EPM2A: variants seen among roughly 807,000 people sequenced by gnomAD.
EPM2A encodes EPM2A glucan phosphatase, laforin.
Under a neutral mutation model 26.5 loss-of-function variants are expected in EPM2A, and 21 were observed. The ratio of observed to expected loss-of-function variants is 0.79; its 90% CI spans 0.56 to 1.14. EPM2A has a LOEUF of 1.14. EPM2A is among the 50% of genes most tolerant of loss of function. The pLI, the probability that EPM2A is intolerant of heterozygous loss-of-function variation, is 0.00. For missense variants in EPM2A, 458 were observed against 440.8 expected, an observed-to-expected ratio of 1.04 and a Z score of -0.35; for synonymous variants, 217 against 177.6, an observed-to-expected ratio of 1.22 and a Z score of -1.76.
intron 4 of EPM2A, among the ~76,000 whole-genome samples, chr6:145,384,732 T>G (rs1778235354): frequency 6.8e-6 from 1 of 147,568 alleles, no homozygotes; most frequent in African/African-American, 2.5e-5. Flanking sequence ...AATATGCATC[T>G]GGATCCTGAA....
rs1014196351 is a variant in EPM2A, at chr6:145,458,104, G to A, written c.555+44418C>T. On this transcript the variant is annotated intron_variant, in intron 4 of 4. Coordinates refer to the EPM2A transcript ENST00000638717. ...CTATGTGGAAAGTCCAGACCTTTTAGGAGTTCTCATTCTTAGAGTATTTCA... is the reference window on the plus strand; with the variant it reads ...CTATGTGGAAAGTCCAGACCTTTTAAGAGTTCTCATTCTTAGAGTATTTCA... Among the ~76,000 whole-genome samples, 18 of 152,154 alleles carry A rather than the reference G, an allele frequency of 1.2e-4. 1 individual carries two copies. Among genetic ancestry groups the A allele is most frequent in the African/African-American group, 3.6e-4 (15 of 41,436 alleles).
chr6:145,705,942 A>G (rs1346873369), intron 1 of EPM2A: 2 of 456,780 alleles, frequency 4.4e-6, no homozygotes, highest in East Asian at 1.4e-4. Flanking sequence ...GAAGAAAGAG[A>G]TCAGATCTCT....
chr6:145,603,781 T>C (rs1414926093), intron 2 of EPM2A, among the ~76,000 whole-genome samples: 1 of 151,980 alleles, frequency 6.6e-6, no homozygotes, highest in Non-Finnish European at 1.5e-5. Flanking sequence ...ACTCAACACA[T>C]GTTTATTGAA....
intron 2 of EPM2A, among the ~76,000 whole-genome samples, chr6:145,518,227 G>T (rs977029896): frequency 2.6e-5 from 4 of 152,124 alleles, no homozygotes; most frequent in Non-Finnish European, 5.9e-5. Context: ...AGAAGTTTTT[G>T]GTTAGGATAA....
rs148638868 is a variant in EPM2A, at chr6:145,572,779, C to T, written c.340+62466G>A. 1.5e-3 allele frequency among the ~76,000 whole-genome samples: 221 copies of T among 152,336 alleles called. 1 individual carries two copies. The highest frequency in any genetic ancestry group is 6.8e-3 in the Middle Eastern group (2 of 294). On this transcript the variant is annotated intron_variant, in intron 2 of 3. Coordinates refer to the EPM2A transcript ENST00000450221. ...TCATATGACCCAAGTGGCAGAGCAG[C>T]TTGCACAGCAGCCTGGACCTGCTGC...
intron 2 of EPM2A, among the ~76,000 whole-genome samples, chr6:145,612,986 C>A (rs1775424957): frequency 6.6e-6 from 1 of 151,888 alleles, no homozygotes; most frequent in African/African-American, 2.4e-5. Context: ...TTTGCCATAT[C>A]CATTGACTCT....
At chr6:145,468,492 A>G (rs1779429343) in intron 4 of EPM2A, among the ~76,000 whole-genome samples, 1 of 152,164 alleles carries the variant, frequency 6.6e-6, no homozygotes, top group Admixed American at 6.6e-5. Flanking sequence ...AAATGGATAT[A>G]TAACAAATAT....
At chr6:145,575,629 G>A (rs908923724) in intron 2 of EPM2A, among the ~76,000 whole-genome samples, 4 of 152,228 alleles carry the variant, frequency 2.6e-5, no homozygotes, top group South Asian at 4.1e-4. Flanking sequence ...TTCTCCACAA[G>A]TTGTCAAAGG....
chr6:145,683,271 GT>G (rs1562485289), intron 2 of EPM2A, among the ~76,000 whole-genome samples: 2 of 68,136 alleles, frequency 2.9e-5, no homozygotes, highest in East Asian at 3.6e-4. Context: ...AGGATTTGGT[GT>G]GTGTGTGTGT....
At position 145,735,218 on chromosome 6, in the gene EPM2A, C is replaced by T. The variant is rs2128649334; in HGVS notation, c.281G>A (p.Gly94Glu). The T allele has an allele frequency of 6.5e-7, 1 of 1,532,316 alleles. No homozygotes were observed. Among genetic ancestry groups the T allele is most frequent in the Middle Eastern group, 1.8e-4 (1 of 5,698 alleles). 94.9% of individuals were successfully genotyped at this position (1,532,316 alleles called of 1,614,324 possible). A position where few individuals can be genotyped will look rare whatever the true frequency, so the allele number is the denominator to read the frequency against. The change falls in exon 1 of 4, where the codon GGA becomes GAA. Residue 94 changes from glycine to glutamate, a missense_variant. Transcript: ENST00000367519. ...FWYKFLKREP[G>E]GELSWEGNGP... is the part of the protein sequence containing the mutation. ...AATACCTTCCCAGGAGAGCTCTCCT[C>T]CCGGCTCCCGCTTCAGGAACTTGTA...
At chr6:145,659,437 G>C (rs1409254819) in intron 2 of EPM2A, among the ~76,000 whole-genome samples, 1 of 152,052 alleles carries the variant, frequency 6.6e-6, no homozygotes, top group African/African-American at 2.4e-5. Context: ...ATTAGGATAA[G>C]AAAATCAGAA....
chr6:145,732,220 TGTGTGTGTGTGTGTGTGC>T (rs1170682838), intron 1 of EPM2A, among the ~76,000 whole-genome samples: 3 of 109,000 alleles, frequency 2.8e-5, no homozygotes, highest in African/African-American at 9.8e-5. Flanking sequence ...TGTGTGTGTG[TGTGTGTGTGTGTGTGTGC>T]GCGCCAAAGT....
chr6:145,615,882 A>C (rs1408534850), intron 2 of EPM2A, among the ~76,000 whole-genome samples: 1 of 152,214 alleles, frequency 6.6e-6, no homozygotes, highest in South Asian at 2.1e-4. Context: ...AAAGCATTCA[A>C]GATGTGACTC....
intron 2 of EPM2A, among the ~76,000 whole-genome samples, chr6:145,594,725 A>G (rs1344153621): frequency 6.6e-6 from 1 of 151,938 alleles, no homozygotes; most frequent in Non-Finnish European, 1.5e-5. Context: ...ACTTTGAAGA[A>G]TTTCAATGAA....
chr6:145,714,563 T>G (rs1775513074), intron 1 of EPM2A, among the ~76,000 whole-genome samples: 1 of 152,204 alleles, frequency 6.6e-6, no homozygotes, highest in South Asian at 2.1e-4. Flanking sequence ...AGTGTATTAG[T>G]CCATTTTCAC....
At chr6:145,537,622 A>G (rs1780449869) in intron 2 of EPM2A, among the ~76,000 whole-genome samples, 1 of 145,816 alleles carries the variant, frequency 6.9e-6, no homozygotes, top group African/African-American at 2.5e-5. Flanking sequence ...TCCAGGATAC[A>G]TGTGTAGAAT....
intron 2 of EPM2A, among the ~76,000 whole-genome samples, chr6:145,557,118 T>C (rs1225118531): frequency 2.6e-5 from 4 of 152,158 alleles, no homozygotes; most frequent in Admixed American, 2.0e-4. Context: ...TATTCAAGCA[T>C]CATATCTTCG....
rs1206463542 is a variant in EPM2A at position 145,735,261 on chromosome 6, G to C, written c.238C>G (p.Arg80Gly). 2 of 1,523,602 alleles carry C rather than the reference G, an allele frequency of 1.3e-6. No individual in the cohort carries two copies. Among genetic ancestry groups the C allele is most frequent in the East Asian group, 2.6e-5 (1 of 38,000 alleles). The allele number at this position is 1,523,602 out of a possible 1,614,324, so 94.4% of individuals were successfully genotyped here. A position where few individuals can be genotyped will look rare whatever the true frequency, so the allele number is the denominator to read the frequency against. ...AACTTGTACCAGAACGTGTCCACGC[G>C]GCCCGGCTCCGCCCCGTCCTGCGCC... ...EAAQDGAEPG[R>G]VDTFWYKFLK... is the part of the protein sequence containing the mutation. The change falls in exon 1 of 4, where the codon CGC becomes GGC. Residue 80 changes from arginine (R) to glycine (G), a missense_variant. Coordinates refer to ENST00000367519, the MANE Select transcript of EPM2A (RefSeq NM_005670.4).
chr6:145,499,401 G>A (rs1582801559), downstream of EPM2A, among the ~76,000 whole-genome samples: 2 of 152,116 alleles, frequency 1.3e-5, no homozygotes, highest in East Asian at 3.8e-4. Context: ...TTTCCTGAAG[G>A]AATCCTCCTT....
Sources: allele counts gnomAD v4.1 joint callset (sites outside exome capture counted in the v4.1 genomes callset), GRCh38; gene constraint gnomAD v4.1.1; transcripts MANE v1.5; gene names NCBI Gene and HGNC (gene_info 2026-07-23, HGNC 2026-07-21).